EEFSEC: variants seen among roughly 807,000 people sequenced by gnomAD.
The protein encoded by EEFSEC is selenocysteine-specific elongation factor.
In EEFSEC, 43 loss-of-function variants were observed where a neutral mutation model predicts 42.1. That is an observed-to-expected ratio of 1.02 (90% CI 0.80 to 1.32). The LOEUF is 1.32. EEFSEC is among the 40% of genes most tolerant of loss of function. EEFSEC has a pLI of 0.00. For synonymous variants in EEFSEC, 354 were observed against 339.1 expected (o/e 1.04, Z -0.48); for missense variants, 745 against 803.6 (o/e 0.93, Z 0.88).
At chr3:128,413,842 A>G in the EEFSEC span, among the ~76,000 whole-genome samples, 4 of 152,236 alleles carry the variant, frequency 2.6e-5, no homozygotes, top group African/African-American at 9.6e-5. Context: ...TCTCCCCTGC[A>G]AGGCTTGCAC....
At chr3:128,214,968 A>T (rs1195790019) in intron 1 of EEFSEC, among the ~76,000 whole-genome samples, 1 of 152,202 alleles carries the variant, frequency 6.6e-6, no homozygotes, top group Non-Finnish European at 1.5e-5. Flanking sequence ...TTGAAGATGG[A>T]TGTGGGAAAG....
At chr3:128,157,429 A>G (rs917088594) in intron 1 of EEFSEC, among the ~76,000 whole-genome samples, 1 of 152,256 alleles carries the variant, frequency 6.6e-6, no homozygotes, top group African/African-American at 2.4e-5. Context: ...ACAGCCTTAT[A>G]TGGAGAAGAT....
intron 1 of EEFSEC, among the ~76,000 whole-genome samples, chr3:128,227,601 T>C (rs1304887595): frequency 6.6e-6 from 1 of 152,140 alleles, no homozygotes; most frequent in Non-Finnish European, 1.5e-5. Context: ...TTGGAACCCA[T>C]AGTGTAAGAG....
At position 128,180,102 on chromosome 3, in the gene EEFSEC, T is replaced by G. The variant is rs186473804; in HGVS notation, c.316+26279T>G. ...CCAATTTCCTTCCTCATGTTTTTGG[T>G]TTTTTTTTGCCATTTTGTTAACATA... On this transcript the variant is annotated intron_variant, in intron 1 of 6. Transcript: ENST00000254730. 2.8e-3 allele frequency among the ~76,000 whole-genome samples: 417 copies of G among 151,166 alleles called. 6 individuals are homozygous for G. The highest frequency in any genetic ancestry group is 6.4e-3 in the African/African-American group (264 of 41,158).
At chr3:128,223,279 G>T (rs1476178489) in intron 1 of EEFSEC, among the ~76,000 whole-genome samples, 1 of 152,184 alleles carries the variant, frequency 6.6e-6, no homozygotes. Context: ...CATTTGGCTG[G>T]TCCTGATTCT....
chr3:128,264,474 C>T (rs1347426508), intron 3 of EEFSEC, 143 bp from the exon 4 acceptor site: 5 of 909,648 alleles, frequency 5.5e-6, no homozygotes, highest in South Asian at 1.6e-5. Flanking sequence ...CTCCTGTCCA[C>T]CTTGCCAGGG....
Position 128,183,134 on chromosome 3 carries a change from G to T in EEFSEC, c.316+29311G>T, listed in dbSNP as rs181498185. ...TTAAGGCTTACCATGAGTAAAAATG[G>T]TGCTCAGAATACCTACCTGTTAGAG... On this transcript the variant is annotated intron_variant, in intron 1 of 6. Transcript: ENST00000254730. Among the ~76,000 whole-genome samples the T allele has an allele frequency of 3.9e-5, 6 of 152,224 alleles. No homozygotes were observed. The East Asian group carries it at 1.2e-3, about 29-fold the overall frequency.
chr3:128,265,021 T>C (rs2066339137), intron 4 of EEFSEC, among the ~76,000 whole-genome samples: 1 of 152,152 alleles, frequency 6.6e-6, no homozygotes, highest in South Asian at 2.1e-4. Flanking sequence ...AGGCCTATGA[T>C]GTGCCTCAAG....
chr3:128,236,278 A>C (rs1271745387), intron 1 of EEFSEC, among the ~76,000 whole-genome samples: 3 of 152,220 alleles, frequency 2.0e-5, no homozygotes, highest in African/African-American at 7.2e-5. Context: ...CCCAGCCAAG[A>C]GTGTTACCAA....
intron 2 of EEFSEC, among the ~76,000 whole-genome samples, chr3:128,254,805 G>A (rs1431530963): frequency 1.3e-5 from 2 of 152,122 alleles, no homozygotes; most frequent in Non-Finnish European, 2.9e-5. Context: ...CAGCACCTCA[G>A]AGTGGTGCTG....
At chr3:128,373,942 T>G (rs550487407) in intron 6 of EEFSEC, among the ~76,000 whole-genome samples, 31 of 152,342 alleles carry the variant, frequency 2.0e-4, no homozygotes, top group African/African-American at 6.5e-4. Context: ...TCCAGCACTT[T>G]CCACATGTCA....
At chr3:128,222,753 C>T (rs1337280508) in intron 1 of EEFSEC, among the ~76,000 whole-genome samples, 1 of 152,120 alleles carries the variant, frequency 6.6e-6, no homozygotes, top group African/African-American at 2.4e-5. Flanking sequence ...ATGGGTGGGG[C>T]CTTATATTCT....
intron 4 of EEFSEC, among the ~76,000 whole-genome samples, chr3:128,267,555 A>G (rs188683725): frequency 1.0e-3 from 154 of 152,358 alleles, no homozygotes; most frequent in African/African-American, 3.5e-3. Context: ...ATTGATGCTT[A>G]TAGTAAAACA....
intron 1 of EEFSEC, among the ~76,000 whole-genome samples, chr3:128,197,686 T>G (rs2065599475): frequency 6.6e-6 from 1 of 152,310 alleles, no homozygotes; most frequent in Admixed American, 6.5e-5. Context: ...CATGACTGAC[T>G]GGCCTCTTTC....
At chr3:128,407,294 C>G in intron 6 of EEFSEC, among the ~76,000 whole-genome samples, 1 of 152,166 alleles carries the variant, frequency 6.6e-6, no homozygotes, top group South Asian at 2.1e-4. Context: ...CTGCACCCAC[C>G]CAAGCCTGGG....
chr3:128,249,348 A>AT (rs1440946068), intron 2 of EEFSEC, among the ~76,000 whole-genome samples: 1 of 152,022 alleles, frequency 6.6e-6, no homozygotes, highest in East Asian at 1.9e-4. Flanking sequence ...GCACTTTTGG[A>AT]TTTTTTCATT....
At chr3:128,403,250 T>C (rs2068069161) in intron 6 of EEFSEC, among the ~76,000 whole-genome samples, 1 of 152,078 alleles carries the variant, frequency 6.6e-6, no homozygotes, top group Admixed American at 6.5e-5. Flanking sequence ...GGCAGAGGGA[T>C]TGGCAATGAC....
chr3:128,251,199 A>G (rs933391045), intron 2 of EEFSEC, among the ~76,000 whole-genome samples: 22 of 151,972 alleles, frequency 1.4e-4, no homozygotes, highest in Admixed American at 6.6e-5. Context: ...TTTACATATC[A>G]TTTGCTCATG....
chr3:128,351,625 T>C (rs954590635), intron 5 of EEFSEC, among the ~76,000 whole-genome samples: 5 of 152,196 alleles, frequency 3.3e-5, no homozygotes, highest in Admixed American at 6.5e-5. Context: ...GCTTGGGCAA[T>C]TCCCAAGCCT....
Sources: gnomAD v4.1 joint callset for allele counts (sites outside exome capture counted in the v4.1 genomes callset) on GRCh38, gnomAD v4.1.1 for gene constraint, MANE v1.5 for transcripts, NCBI Gene and HGNC (gene_info 2026-07-23, HGNC 2026-07-21) for gene names.